The following DUSP16 variants were observed in gnomAD, a reference collection of about 807,000 sequenced individuals.
DUSP16 encodes the protein dual specificity protein phosphatase 16.
In DUSP16, 21 loss-of-function variants were observed where a neutral mutation model predicts 58.3. The observed-to-expected ratio is 0.36, with a 90% CI of 0.26 to 0.52. The LOEUF (loss-of-function observed/expected upper bound fraction) is 0.52, where lower values mean the gene tolerates loss of function less well. Ranked by LOEUF, DUSP16 falls within the 20% of genes least tolerant of loss-of-function variation. The pLI is 0.94. For synonymous variants in DUSP16, 320 were observed against 323.8 expected (o/e 0.99, Z 0.12); for missense variants, 726 against 819.0 (o/e 0.89, Z 1.39).
At chr12:12,498,524 C>T (rs1943864424) in intron 4 of DUSP16, among the ~76,000 whole-genome samples, 2 of 151,998 alleles carry the variant, frequency 1.3e-5, no homozygotes. Context: ...AAGCAATCCT[C>T]CCACCTCAGC....
At chr12:12,483,304 T>C (rs1271543614) in intron 5 of DUSP16, among the ~76,000 whole-genome samples, 2 of 152,224 alleles carry the variant, frequency 1.3e-5, no homozygotes, top group African/African-American at 4.8e-5. Flanking sequence ...AAAATACTTA[T>C]TAACAGCCAA....
chr12:12,513,419 T>G (rs1011668472), intron 3 of DUSP16, among the ~76,000 whole-genome samples: 1 of 152,200 alleles, frequency 6.6e-6, no homozygotes, highest in South Asian at 2.1e-4. Context: ...CCTTTCAGAA[T>G]AAGCCTGATC....
intron 3 of DUSP16, among the ~76,000 whole-genome samples, chr12:12,503,679 A>T (rs1437103404): frequency 6.6e-6 from 1 of 152,200 alleles, no homozygotes; most frequent in African/African-American, 2.4e-5. Context: ...AAGCTGACAG[A>T]CAGGATAGCG....
At chr12:12,495,441 T>A (rs985128154) in intron 4 of DUSP16, among the ~76,000 whole-genome samples, 9 of 152,200 alleles carry the variant, frequency 5.9e-5, no homozygotes, top group African/African-American at 1.7e-4. Context: ...AATGATTATC[T>A]GTAAACCAAG....
At chr12:12,511,340 A>G (rs1329550040) in intron 3 of DUSP16, among the ~76,000 whole-genome samples, 1 of 152,178 alleles carries the variant, frequency 6.6e-6, no homozygotes, top group Non-Finnish European at 1.5e-5. Flanking sequence ...ATAGCTCACA[A>G]TACCCATCAC....
intron 3 of DUSP16, among the ~76,000 whole-genome samples, chr12:12,512,320 CT>C (rs145059942): frequency 0.069 from 10,483 of 152,172 alleles, 455 homozygotes; most frequent in East Asian, 0.18. Context: ...CATAGCCATG[CT>C]CTTTTTGTTG....
At chr12:12,493,384 C>T (rs1237898479) in intron 4 of DUSP16, among the ~76,000 whole-genome samples, 31 of 152,186 alleles carry the variant, frequency 2.0e-4, no homozygotes, top group Admixed American at 2.0e-3. Context: ...AGCCTCCTAA[C>T]CGGCCTTCCT....
chr12:12,485,431 G>C (rs1943664461), intron 5 of DUSP16: 1 of 152,136 alleles, frequency 6.6e-6, no homozygotes, highest in African/African-American at 2.4e-5. Flanking sequence ...AAGTGTTTTG[G>C]AATTACTTAA....
chr12:12,497,328 C>T (rs1487192419), intron 4 of DUSP16, among the ~76,000 whole-genome samples: 2 of 152,148 alleles, frequency 1.3e-5, no homozygotes, highest in African/African-American at 4.8e-5. Context: ...AAGAAATTCT[C>T]CATTGTGACT....
At chr12:12,524,808 CAA>C (rs35276630) in intron 1 of DUSP16, among the ~76,000 whole-genome samples, 20,616 of 151,674 alleles carry the variant, frequency 0.14, 1,476 homozygotes, top group Middle Eastern at 0.16. Context: ...TCATATGGTT[CAA>C]AAAAAGTCTA....
At chr12:12,555,201 AAAG>A (rs773660236) in intron 1 of DUSP16, among the ~76,000 whole-genome samples, 13 of 152,228 alleles carry the variant, frequency 8.5e-5, no homozygotes, top group Non-Finnish European at 1.6e-4. Context: ...TCATTTTGGA[AAAG>A]AAGAAGTCAG....
At chr12:12,512,912 TATGGTA>T in intron 3 of DUSP16, among the ~76,000 whole-genome samples, 1 of 152,232 alleles carries the variant, frequency 6.6e-6, no homozygotes, top group East Asian at 1.9e-4. Context: ...TAACAGAATT[TATGGTA>T]ATAGCACAAA....
At chr12:12,554,779 C>T (rs1008249282) in intron 1 of DUSP16, 2 of 151,920 alleles carry the variant, frequency 1.3e-5, no homozygotes, top group Admixed American at 6.6e-5. Context: ...ATATATATTC[C>T]ATTTTCAAGT....
chr12:12,546,477 T>C (rs1389279512), intron 1 of DUSP16, among the ~76,000 whole-genome samples: 1 of 152,228 alleles, frequency 6.6e-6, no homozygotes, highest in African/African-American at 2.4e-5. Context: ...CACAATGTAG[T>C]TCTTTGAAGC....
At position 12,476,980 on chromosome 12, in the gene DUSP16, G is replaced by T; in HGVS notation, c.1851C>A (p.Ser617Arg). 11 of 1,614,184 alleles carry T rather than the reference G, an allele frequency of 6.8e-6. No individual in the cohort carries two copies. The highest frequency in any genetic ancestry group is 9.3e-6 in the Non-Finnish European group (11 of 1,180,048). The change falls in exon 7 of 7, where the codon AGC becomes AGA. Residue 617 changes from serine to arginine, a missense_variant. Coordinates refer to ENST00000298573, the MANE Select transcript of DUSP16 (RefSeq NM_030640.3). ...ADSRRSWHEE[S>R]PFEKQFKRRS... ...TGCGTTTAAACTGCTTTTCAAAGGGGCTCTCTTCATGCCAGCTCCGCCGCG... is the reference window on the plus strand; with the variant it reads ...TGCGTTTAAACTGCTTTTCAAAGGGTCTCTCTTCATGCCAGCTCCGCCGCG...
In DUSP16 at chr12:12,554,873, C is replaced by A. The variant is rs112145372; in HGVS notation, c.-366+7244G>T. ...TATCAAAATATCATTCTTACCAATT[C>A]TTTCTCAAGTCAACCCAAGATGTTT... On this transcript the variant is annotated intron_variant, in intron 1 of 6. Transcript: ENST00000298573. Among the ~76,000 whole-genome samples, 1,077 of 151,976 alleles carry A rather than the reference C, an allele frequency of 7.1e-3. 16 individuals carry two copies. Among genetic ancestry groups the A allele is most frequent in the African/African-American group, 0.025 (1,018 of 41,440 alleles).
Position 12,476,709 on chromosome 12 carries a change from T to C in DUSP16, c.*124A>G. ...ACTGGGTTGATCCACCTGTTGCTTT[T>C]ACACCATAGCTCCATTTTCCAAAAA... is the stretch of plus-strand genomic sequence containing the variant. On this transcript the variant is annotated 3_prime_UTR_variant, in exon 7 of 7. Coordinates refer to ENST00000298573, the MANE Select transcript of DUSP16 (RefSeq NM_030640.3). 1.2e-6 allele frequency: 1 copy of C among 820,962 alleles called. No individual in the cohort carries two copies. Among genetic ancestry groups the C allele is most frequent in the Non-Finnish European group, 1.9e-6 (1 of 539,290 alleles). 50.9% of individuals were successfully genotyped at this position (820,962 alleles called of 1,614,324 possible).
chr12:12,536,784 T>C (rs1944470571), intron 1 of DUSP16, among the ~76,000 whole-genome samples: 2 of 150,032 alleles, frequency 1.3e-5, no homozygotes, highest in Admixed American at 1.3e-4. Flanking sequence ...ACACCTGTAA[T>C]CCCAACACTT....
intron 1 of DUSP16, among the ~76,000 whole-genome samples, chr12:12,548,100 A>G (rs924789889): frequency 6.6e-6 from 1 of 152,188 alleles, no homozygotes; most frequent in Non-Finnish European, 1.5e-5. Flanking sequence ...ACTATATCAC[A>G]TCTAATCTGT....
Sources: gnomAD v4.1 joint callset for allele counts (sites outside exome capture counted in the v4.1 genomes callset) on GRCh38, gnomAD v4.1.1 for gene constraint, MANE v1.5 for transcripts, NCBI Gene and HGNC (gene_info 2026-07-23, HGNC 2026-07-21) for gene names.